ANO2: variants seen among roughly 807,000 people sequenced by gnomAD.
ANO2 encodes anoctamin-2.
A neutral mutation model predicts 124.2 loss-of-function variants in ANO2; 101 were observed. The observed-to-expected ratio is 0.81, with a 90% confidence interval of 0.69 to 0.96. The LOEUF (loss-of-function observed/expected upper bound fraction) is 0.96, where lower values mean the gene tolerates loss of function less well. Ranked by LOEUF, ANO2 falls within the 40% of genes least tolerant of loss-of-function variation. ANO2 has a pLI of 0.00. For synonymous variants in ANO2, 486 were observed against 482.5 expected (o/e 1.01, Z -0.09); for missense variants, 1,293 against 1,274.5 (o/e 1.01, Z -0.22).
At chr12:5,716,966 C>G (rs1330941150) in intron 14 of ANO2, among the ~76,000 whole-genome samples, 1 of 152,238 alleles carries the variant, frequency 6.6e-6, no homozygotes, top group African/African-American at 2.4e-5. Context: ...TGCAGAAAAG[C>G]ATGAATGTGG....
chr12:5,909,338 A>G (rs1412513652), intron 3 of ANO2, among the ~76,000 whole-genome samples: 2 of 152,184 alleles, frequency 1.3e-5, no homozygotes, highest in Non-Finnish European at 2.9e-5. Flanking sequence ...CTGTAAATTG[A>G]GAAAACTATC....
At chr12:5,683,303 C>G (rs1447969188) in intron 14 of ANO2, among the ~76,000 whole-genome samples, 1 of 152,136 alleles carries the variant, frequency 6.6e-6, no homozygotes, top group Non-Finnish European at 1.5e-5. Context: ...AAAAGATTGA[C>G]GTGTCTCTCT....
intron 7 of ANO2, among the ~76,000 whole-genome samples, chr12:5,808,028 C>T (rs1953255781): frequency 6.6e-6 from 1 of 152,224 alleles, no homozygotes; most frequent in Admixed American, 6.5e-5. Context: ...GACATCATCC[C>T]CTATGGCTAA....
At chr12:5,706,294 G>A (rs528421640) in intron 14 of ANO2, among the ~76,000 whole-genome samples, 1 of 152,272 alleles carries the variant, frequency 6.6e-6, no homozygotes, top group Admixed American at 6.5e-5. Flanking sequence ...GACGGAGGCT[G>A]ATGAGGCCCT....
intron 12 of ANO2, 49 bp from the exon 13 acceptor site, chr12:5,739,448 G>A (rs142948984): frequency 6.7e-7 from 1 of 1,492,642 alleles, no homozygotes; most frequent in African/African-American, 1.4e-5. Flanking sequence ...TTGAAGAGTG[G>A]ATTCTGTACC....
intron 14 of ANO2, among the ~76,000 whole-genome samples, chr12:5,675,881 T>G (rs1373754398): frequency 6.6e-6 from 1 of 152,216 alleles, no homozygotes; most frequent in Non-Finnish European, 1.5e-5. Context: ...ACACATGTAC[T>G]TCCAGTTGTA....
intron 3 of ANO2, among the ~76,000 whole-genome samples, chr12:5,893,196 T>G (rs1426603768): frequency 2.0e-5 from 3 of 152,124 alleles, no homozygotes; most frequent in Non-Finnish European, 2.9e-5. Context: ...GAATTCATAC[T>G]AAGACCCCAA....
chr12:5,752,661 T>G (rs1223553006), intron 10 of ANO2, among the ~76,000 whole-genome samples: 3 of 152,184 alleles, frequency 2.0e-5, no homozygotes, highest in Admixed American at 2.0e-4. Flanking sequence ...AAATATTTTC[T>G]CCCATTCTGC....
intron 3 of ANO2, among the ~76,000 whole-genome samples, chr12:5,920,521 CA>C (rs748453077): frequency 6.6e-6 from 1 of 152,142 alleles, no homozygotes; most frequent in Non-Finnish European, 1.5e-5. Context: ...ATCCCCTAAT[CA>C]GGACCACTAG....
intron 3 of ANO2, among the ~76,000 whole-genome samples, chr12:5,898,846 C>A (rs1317429285): frequency 6.6e-6 from 1 of 152,136 alleles, no homozygotes; most frequent in Non-Finnish European, 1.5e-5. Flanking sequence ...TGATAATTCA[C>A]CAAGTTGTAC....
At chr12:5,656,028 T>C (rs1947134975) in intron 14 of ANO2, among the ~76,000 whole-genome samples, 1 of 152,180 alleles carries the variant, frequency 6.6e-6, no homozygotes, top group African/African-American at 2.4e-5. Flanking sequence ...GCAACCCTTG[T>C]GAGGAAATTT....
chr12:5,645,367 T>C (rs1448298469), intron 15 of ANO2, among the ~76,000 whole-genome samples: 2 of 151,986 alleles, frequency 1.3e-5, no homozygotes, highest in Admixed American at 1.3e-4. Flanking sequence ...CCAGCCTGGG[T>C]GACAGAATCA....
intron 1 of ANO2, among the ~76,000 whole-genome samples, chr12:5,924,561 C>T (rs965866373): frequency 3.9e-5 from 6 of 152,194 alleles, no homozygotes; most frequent in African/African-American, 1.4e-4. Flanking sequence ...AAACTCAGGA[C>T]CCCATATCAC....
At chr12:5,845,171 G>T (rs1954643997) in intron 4 of ANO2, among the ~76,000 whole-genome samples, 1 of 151,370 alleles carries the variant, frequency 6.6e-6, no homozygotes, top group Non-Finnish European at 1.5e-5. Flanking sequence ...AGGCTGAGGT[G>T]GGAGAAACAC....
chr12:5,916,513 A>AAAAAAAAAAG (rs1941386593), intron 3 of ANO2, among the ~76,000 whole-genome samples: 4 of 149,098 alleles, frequency 2.7e-5, no homozygotes, highest in Admixed American at 6.7e-5. Context: ...AAAAAAAAAA[A>AAAAAAAAAAG]GGCAGCAGTA....
intron 14 of ANO2, among the ~76,000 whole-genome samples, chr12:5,675,219 A>G (rs1479797103): frequency 6.6e-6 from 1 of 152,204 alleles, no homozygotes; most frequent in African/African-American, 2.4e-5. Context: ...ACACACACAC[A>G]TATACACACA....
chr12:5,654,823 C>T (rs1053941777), intron 14 of ANO2, among the ~76,000 whole-genome samples: 2 of 152,192 alleles, frequency 1.3e-5, no homozygotes, highest in East Asian at 1.9e-4. Context: ...CTAAACATCA[C>T]ACACATGCTT....
chr12:5,652,945 C>T (rs937639235), intron 14 of ANO2, among the ~76,000 whole-genome samples: 1 of 152,308 alleles, frequency 6.6e-6, no homozygotes. Flanking sequence ...CTCCACCTCT[C>T]TGAAGGGGCA....
At chr12:5,946,064 G>A, upstream of ANO2, 2 of 1,502,598 alleles carry the variant, frequency 1.3e-6, no homozygotes, top group Admixed American at 1.7e-5. The surrounding 1 kb of genome is among the most constrained non-coding windows in gnomAD (Gnocchi z 4.1). Flanking sequence ...AAGATGCACA[G>A]AAGTAAAACA....
Sources: gnomAD v4.1 joint callset for allele counts (sites outside exome capture counted in the v4.1 genomes callset) on GRCh38, gnomAD v4.1.1 for gene constraint, Gnocchi (gnomAD v3.1) non-coding constraint, MANE v1.5 for transcripts, NCBI Gene and HGNC (gene_info 2026-07-23, HGNC 2026-07-21) for gene names.